The following COL24A1 variants were observed in gnomAD, a reference collection of about 807,000 sequenced individuals.
COL24A1 encodes the protein collagen alpha-1(XXIV) chain.
A neutral mutation model predicts 253.9 loss-of-function variants in COL24A1; 224 were observed. The ratio of observed to expected loss-of-function variants is 0.88; its 90% CI spans 0.79 to 0.99. The LOEUF is 0.99. COL24A1 is among the 50% of genes least tolerant of loss of function. The probability of loss-of-function intolerance (pLI) is 0.00; values close to 1 mark genes in which losing one functional copy is unlikely to be tolerated. For synonymous variants in COL24A1, 685 were observed against 673.7 expected, an observed-to-expected ratio of 1.02 and a Z score of -0.26; for missense variants, 2,131 against 2,068.5, an observed-to-expected ratio of 1.03 and a Z score of -0.59.
chr1:86,069,772 G>A (rs1701739703), intron 7 of COL24A1, among the ~76,000 whole-genome samples: 1 of 152,168 alleles, frequency 6.6e-6, no homozygotes, highest in Admixed American at 6.5e-5. Context: ...AGACCACCAA[G>A]GCAGTACCTC....
In COL24A1 at chr1:85,940,277, G is replaced by A. The variant is rs1372741710; in HGVS notation, c.2562+20972C>T. On this transcript the variant is annotated intron_variant, in intron 24 of 59. Coordinates refer to ENST00000370571, the MANE Select transcript of COL24A1 (RefSeq NM_152890.7). ...AAATTAGCCGGGCGTGGTAGCGGGC[G>A]CCTGTAGTCCCAGCTACTCGGGAGG... Among the ~76,000 whole-genome samples, 7 of 61,556 alleles carry A rather than the reference G, an allele frequency of 1.1e-4. 3 individuals are homozygous for A. Among genetic ancestry groups the A allele is most frequent in the African/African-American group, 1.5e-4 (3 of 19,742 alleles). 40.4% of individuals were successfully genotyped at this position (61,556 alleles called of 152,430 possible).
Position 86,112,465 on chromosome 1 carries a change from G to C in COL24A1, c.1599+102C>G, listed in dbSNP as rs1705710466. 5.2e-6 allele frequency: 5 copies of C among 954,106 alleles called. No individual in the cohort carries two copies. The East Asian group carries it at 1.3e-4, about 24-fold the overall frequency. 59.1% of individuals were successfully genotyped at this position (954,106 alleles called of 1,614,324 possible). A position where few individuals can be genotyped will look rare whatever the true frequency, so the allele number is the denominator to read the frequency against. On this transcript the variant is annotated intron_variant, in intron 5 of 59. Transcript: ENST00000370571. ...TGCTCTGGAGGTGACAGAGATCCTTGATGTATCAAGACTTGCCTTAAATGT... is the reference window on the plus strand; with the variant it reads ...TGCTCTGGAGGTGACAGAGATCCTTCATGTATCAAGACTTGCCTTAAATGT...
intron 32 of COL24A1, among the ~76,000 whole-genome samples, chr1:85,882,268 G>A (rs1219322330): frequency 6.6e-6 from 1 of 151,942 alleles, no homozygotes; most frequent in Admixed American, 6.6e-5. Context: ...ACGAGGTCAG[G>A]AGATCGAGAC....
intron 24 of COL24A1, among the ~76,000 whole-genome samples, chr1:85,926,626 T>C (rs930601135): frequency 6.6e-5 from 10 of 151,764 alleles, no homozygotes; most frequent in African/African-American, 2.4e-4. Context: ...ATGAGTACAC[T>C]TGGACACAGG....
Position 86,125,774 on chromosome 1 carries a change from T to C in COL24A1, c.562A>G (p.Thr188Ala), listed in dbSNP as rs1289561497. ...GTCTGAACTTCTGGAATAGTCTCTG[T>C]GCTAAAATATTTCTTTCCACACTCA... ...FVECGKKYFS[T>A]ETIPEVQTFD... The change falls in exon 3 of 60, where the codon ACA (threonine) becomes GCA (alanine). Residue 188 changes from threonine to alanine, a missense_variant. Coordinates refer to ENST00000370571, the MANE Select transcript of COL24A1 (RefSeq NM_152890.7). 1.2e-6 allele frequency: 2 copies of C among 1,612,730 alleles called. No homozygotes were observed. The highest frequency in any genetic ancestry group is 1.7e-6 in the Non-Finnish European group (2 of 1,179,520).
At chr1:85,875,410 G>A in intron 33 of COL24A1, 80 bp from the exon 34 acceptor site, 2 of 1,110,506 alleles carry the variant, frequency 1.8e-6, no homozygotes, top group Non-Finnish European at 1.4e-6. Context: ...ACTCAAGGGT[G>A]AGATACCTGT....
At chr1:86,088,313 A>T (rs1703225220) in intron 7 of COL24A1, among the ~76,000 whole-genome samples, 1 of 152,218 alleles carries the variant, frequency 6.6e-6, no homozygotes, top group South Asian at 2.1e-4. Context: ...GGAATATGGA[A>T]CACTAAGACA....
intron 28 of COL24A1, among the ~76,000 whole-genome samples, chr1:85,897,017 CA>C (rs1683812236): frequency 6.6e-6 from 1 of 152,152 alleles, no homozygotes; most frequent in Admixed American, 6.5e-5. Flanking sequence ...ACTCAGCAGC[CA>C]GCCAGAATTT....
At chr1:86,032,169 A>G (rs966220870) in intron 13 of COL24A1, among the ~76,000 whole-genome samples, 2 of 152,208 alleles carry the variant, frequency 1.3e-5, no homozygotes, top group African/African-American at 4.8e-5. Context: ...ACCTAGCTTA[A>G]GCAGAGTCCC....
chr1:85,883,443 A>G (rs1408713505), intron 32 of COL24A1, among the ~76,000 whole-genome samples: 1 of 148,174 alleles, frequency 6.7e-6, no homozygotes, highest in African/African-American at 2.5e-5. Flanking sequence ...CTGGTCTCAA[A>G]CTCCTGACCA....
chr1:86,132,180 C>T (rs535096252), intron 2 of COL24A1, among the ~76,000 whole-genome samples: 46 of 152,138 alleles, frequency 3.0e-4, no homozygotes, highest in East Asian at 1.5e-3. Context: ...GAAGTGTCTG[C>T]TCATATCCTT....
In COL24A1 at chr1:85,927,372, A is replaced by G. The variant is rs1042458576; in HGVS notation, c.2563-15939T>C. ...CCCACCCGAATATTGCGCTTTTCAG[A>G]CCGGCTTAAGAAACGGCGCACCACG... On this transcript the variant is annotated intron_variant, in intron 24 of 59. Transcript: ENST00000370571. Among the ~76,000 whole-genome samples, 48 of 151,152 alleles carry G rather than the reference A, an allele frequency of 3.2e-4. 1 individual carries two copies. Among genetic ancestry groups the G allele is most frequent in the Admixed American group, 3.1e-3 (47 of 15,178 alleles).
intron 12 of COL24A1, among the ~76,000 whole-genome samples, chr1:86,038,591 G>A (rs1211090425): frequency 1.3e-5 from 2 of 152,104 alleles, no homozygotes; most frequent in Non-Finnish European, 2.9e-5. Flanking sequence ...TAGTCCAGAC[G>A]CACCCTGAAT....
At chr1:85,972,759 T>C (rs1413096988) in intron 20 of COL24A1, among the ~76,000 whole-genome samples, 1 of 152,070 alleles carries the variant, frequency 6.6e-6, no homozygotes, top group Non-Finnish European at 1.5e-5. Flanking sequence ...CAGGAATGAG[T>C]AAGGGACCCA....
chr1:85,955,195 G>GT (rs1190630367), intron 24 of COL24A1, among the ~76,000 whole-genome samples: 1 of 152,324 alleles, frequency 6.6e-6, no homozygotes, highest in Non-Finnish European at 1.5e-5. Context: ...ATGGAATTCA[G>GT]TTGGTGTAGT....
chr1:86,080,980 T>C (rs1019560866), intron 7 of COL24A1, among the ~76,000 whole-genome samples: 2 of 152,200 alleles, frequency 1.3e-5, no homozygotes, highest in African/African-American at 4.8e-5. Flanking sequence ...AATTGTTCCA[T>C]GACCTTTAAA....
chr1:85,866,975 A>T (rs980184411), intron 37 of COL24A1, among the ~76,000 whole-genome samples: 2 of 152,190 alleles, frequency 1.3e-5, no homozygotes, highest in South Asian at 4.1e-4. Context: ...GTTTATCTTC[A>T]TTCTTCAAAT....
intron 24 of COL24A1, among the ~76,000 whole-genome samples, chr1:85,950,841 A>T (rs911333722): frequency 6.6e-6 from 1 of 152,242 alleles, no homozygotes; most frequent in South Asian, 2.1e-4. Context: ...TAGAAAAAAA[A>T]GTATTTGTAA....
At chr1:86,044,313 A>G (rs12743345) in intron 12 of COL24A1, among the ~76,000 whole-genome samples, 34,750 of 152,088 alleles carry the variant, frequency 0.23, 4,349 homozygotes, top group Middle Eastern at 0.44. Flanking sequence ...GACAGTCTCT[A>G]AGGTCACCCT....
Sources: allele counts gnomAD v4.1 joint callset (sites outside exome capture counted in the v4.1 genomes callset), GRCh38; gene constraint gnomAD v4.1.1; transcripts MANE v1.5; gene names NCBI Gene and HGNC (gene_info 2026-07-23, HGNC 2026-07-21).